CCDC102B: variants seen among roughly 807,000 people sequenced by gnomAD.
CCDC102B encodes the protein coiled-coil domain-containing protein 102B.
A neutral mutation model predicts 57.4 loss-of-function variants in CCDC102B; 75 were observed. That is an observed-to-expected ratio of 1.31 (90% confidence interval 1.08 to 1.58). The LOEUF is 1.58. Among genes scored for constraint, CCDC102B ranks in the 40% most tolerant of loss-of-function variants. The probability of loss-of-function intolerance (pLI) is 0.00; values close to 1 mark genes in which losing one functional copy is unlikely to be tolerated. For missense variants in CCDC102B, 636 were observed against 582.6 expected (o/e 1.09, Z -0.94); for synonymous variants, 206 against 201.9 (o/e 1.02, Z -0.17).
chr18:68,783,716 C>A (rs2035084877), intron 2 of CCDC102B, among the ~76,000 whole-genome samples: 1 of 152,070 alleles, frequency 6.6e-6, no homozygotes, highest in African/African-American at 2.4e-5. Flanking sequence ...CCAAAAATGT[C>A]TTGTCTGATT....
Position 68,999,530 on chromosome 18 carries a change from TG to T in CCDC102B, c.1264-11401del, listed in dbSNP as rs1217128345. ...CTGAGTTTTGAGAATCCCTTTAACC[TG>T]GGAAAAAGAGGTTGCTGTGAGCCGA... is the stretch of plus-strand genomic sequence containing the variant. On this transcript the variant is annotated intron_variant, in intron 6 of 7. Coordinates refer to ENST00000360242, the MANE Select transcript of CCDC102B (RefSeq NM_024781.3). 2.0e-5 allele frequency among the ~76,000 whole-genome samples: 3 copies of T among 151,730 alleles called. No individual in the cohort carries two copies. The South Asian group carries it at 6.3e-4, about 32-fold the overall frequency.
chr18:68,854,635 G>A (rs2038301291), intron 4 of CCDC102B, among the ~76,000 whole-genome samples: 1 of 151,804 alleles, frequency 6.6e-6, no homozygotes, highest in Non-Finnish European at 1.5e-5. Context: ...TTGCTTATAG[G>A]GTGTAATCAC....
At chr18:68,846,458 C>T (rs781780854) in intron 4 of CCDC102B, 37 bp downstream of exon 4, 2 of 1,313,138 alleles carry the variant, frequency 1.5e-6, no homozygotes. Flanking sequence ...GAAATGAAGC[C>T]TAGCTTTTTC....
intron 1 of CCDC102B, among the ~76,000 whole-genome samples, chr18:68,831,504 A>G (rs949483568): frequency 2.0e-5 from 3 of 152,186 alleles, no homozygotes; most frequent in Non-Finnish European, 4.4e-5. Context: ...ATTTTATGTT[A>G]CAATGCTTTT....
intron 4 of CCDC102B, chr18:68,866,831 C>T: frequency 1.4e-6 from 1 of 694,454 alleles, no homozygotes; most frequent in Non-Finnish European, 2.7e-6. Flanking sequence ...CTTGTGAAGT[C>T]CCTGTGTCTG....
chr18:68,871,268 G>C, intron 4 of CCDC102B, among the ~76,000 whole-genome samples: 1 of 152,178 alleles, frequency 6.6e-6, no homozygotes, highest in East Asian at 1.9e-4. Context: ...GTAATGCTGA[G>C]TAATTCACCT....
chr18:68,794,348 C>T (rs1231212114), upstream of CCDC102B, among the ~76,000 whole-genome samples: 1 of 152,088 alleles, frequency 6.6e-6, no homozygotes, highest in African/African-American at 2.4e-5. Context: ...GTTTTCTAAA[C>T]CCATTAGATT....
Position 69,035,771 on chromosome 18 carries a change from C to T in CCDC102B, c.1435-18259C>T, listed in dbSNP as rs143268389. 6.0e-3 allele frequency among the ~76,000 whole-genome samples: 914 copies of T among 152,140 alleles called. 9 individuals are homozygous for T. The highest frequency in any genetic ancestry group is 0.021 in the African/African-American group (872 of 41,542). On this transcript the variant is annotated intron_variant, in intron 7 of 7. Transcript: ENST00000360242. ...ATTATAAATATCTGGGCAAAATTTACTCTGTATTAATGATTCAAAACTGGC... is the reference window on the plus strand; with the variant it reads ...ATTATAAATATCTGGGCAAAATTTATTCTGTATTAATGATTCAAAACTGGC...
In CCDC102B at chr18:68,756,575, C is replaced by G. The variant is rs550025109; in HGVS notation, c.-67+39981C>G. On this transcript the variant is annotated intron_variant, in intron 2 of 3. Coordinates refer to the CCDC102B transcript ENST00000578970. ...AGTAGACAATGCTAGTTGTAAACTTCTAAAAGGCAAGAGAAGTCATGCCCA... is the reference window on the plus strand; with the variant it reads ...AGTAGACAATGCTAGTTGTAAACTTGTAAAAGGCAAGAGAAGTCATGCCCA... Among the ~76,000 whole-genome samples the G allele has an allele frequency of 2.0e-5, 3 of 152,234 alleles. No individual in the cohort carries two copies. In the South Asian group the frequency reaches 6.2e-4, roughly 32 times the overall value.
chr18:68,719,076 A>G (rs1034819143), intron 2 of CCDC102B, among the ~76,000 whole-genome samples: 1 of 151,974 alleles, frequency 6.6e-6, no homozygotes. Flanking sequence ...ACTTAAAGTC[A>G]TTGTTATTTG....
intron 2 of CCDC102B, among the ~76,000 whole-genome samples, chr18:68,769,044 A>G (rs60764507): frequency 0.067 from 10,164 of 152,108 alleles, 642 homozygotes; most frequent in African/African-American, 0.16. Flanking sequence ...ACCTGAGGTC[A>G]GGAGTTCAAG....
At chr18:68,816,777 C>T (rs780011305) in intron 1 of CCDC102B, among the ~76,000 whole-genome samples, 7 of 152,086 alleles carry the variant, frequency 4.6e-5, no homozygotes, top group Non-Finnish European at 7.4e-5. Context: ...TTTTCCCTTT[C>T]TAAGGGAACA....
chr18:68,936,923 T>G (rs2049258273), intron 6 of CCDC102B, among the ~76,000 whole-genome samples: 1 of 151,794 alleles, frequency 6.6e-6, no homozygotes, highest in Admixed American at 6.6e-5. Flanking sequence ...TATTGACAGT[T>G]GTGTTCCATA....
At chr18:68,790,722 C>A (rs1029411741) in intron 2 of CCDC102B, among the ~76,000 whole-genome samples, 5 of 152,176 alleles carry the variant, frequency 3.3e-5, no homozygotes, top group African/African-American at 1.2e-4. Context: ...GACCTGCGCC[C>A]ACTGTCTGGC....
chr18:68,772,484 G>A (rs1487934239), intron 2 of CCDC102B, among the ~76,000 whole-genome samples: 1 of 152,064 alleles, frequency 6.6e-6, no homozygotes, highest in Non-Finnish European at 1.5e-5. Flanking sequence ...GTCGAGCTTG[G>A]CTCTCTTCAT....
intron 1 of CCDC102B, among the ~76,000 whole-genome samples, chr18:68,808,671 G>T (rs1035867474): frequency 6.6e-6 from 1 of 151,734 alleles, no homozygotes; most frequent in African/African-American, 2.4e-5. Context: ...GTAGAGACAG[G>T]GTTTCACCGT....
chr18:68,939,722 T>C (rs1001127984), intron 6 of CCDC102B, among the ~76,000 whole-genome samples: 2 of 151,842 alleles, frequency 1.3e-5, no homozygotes, highest in Non-Finnish European at 3.0e-5. Context: ...GTTTTTGCAT[T>C]TAAGTAAGAT....
chr18:68,998,966 T>TCA (rs1218180625), intron 6 of CCDC102B, among the ~76,000 whole-genome samples: 699 of 20,060 alleles, frequency 0.035, 6 homozygotes, highest in African/African-American at 0.041. Flanking sequence ...CACATAATCA[T>TCA]CATATATATA....
At chr18:69,046,325 T>C (rs2052566154) in intron 7 of CCDC102B, among the ~76,000 whole-genome samples, 1 of 152,170 alleles carries the variant, frequency 6.6e-6, no homozygotes, top group Non-Finnish European at 1.5e-5. Context: ...TCATTGTGGT[T>C]TTTATTTGCA....
Sources: gnomAD v4.1 joint callset for allele counts (sites outside exome capture counted in the v4.1 genomes callset) on GRCh38, gnomAD v4.1.1 for gene constraint, MANE v1.5 for transcripts, NCBI Gene and HGNC (gene_info 2026-07-23, HGNC 2026-07-21) for gene names.